The following ABTB2 variants were observed in gnomAD, a reference collection of about 807,000 sequenced individuals.
The protein encoded by ABTB2 is ankyrin repeat and BTB/POZ domain-containing protein 2.
ABTB2 carries 56 observed loss-of-function variants against 104.1 expected under a neutral mutation model. The observed-to-expected ratio is 0.54, with a 90% CI of 0.43 to 0.67. The LOEUF is 0.67. Ranked by LOEUF, ABTB2 falls within the 30% of genes least tolerant of loss-of-function variation. The pLI, the probability that ABTB2 is intolerant of heterozygous loss-of-function variation, is 0.00. For synonymous variants in ABTB2, 606 were observed against 608.2 expected (o/e 1.00, Z 0.05); for missense variants, 1,279 against 1,407.7 (o/e 0.91, Z 1.46).
intron 1 of ABTB2, among the ~76,000 whole-genome samples, chr11:34,255,611 A>C (rs188714926): frequency 1.0e-3 from 156 of 152,184 alleles, no homozygotes; most frequent in Non-Finnish European, 2.0e-3. Context: ...GTTCAACTTC[A>C]ACTTCAAGCA....
chr11:34,153,955 T>C (rs1253941996), intron 16 of ABTB2, among the ~76,000 whole-genome samples: 6 of 152,174 alleles, frequency 3.9e-5, no homozygotes, highest in Non-Finnish European at 8.8e-5. Flanking sequence ...AGTAAATACC[T>C]ATGGCTTTGA....
At chr11:34,158,184 G>A (rs1279956799) in intron 14 of ABTB2, among the ~76,000 whole-genome samples, 1 of 152,208 alleles carries the variant, frequency 6.6e-6, no homozygotes, top group Non-Finnish European at 1.5e-5. Context: ...GGAGGCCAAG[G>A]CGGGTGGATC....
At chr11:34,214,543 TTTTTTTTTTTTTTA>T (rs1853526196) in intron 1 of ABTB2, among the ~76,000 whole-genome samples, 23 of 142,532 alleles carry the variant, frequency 1.6e-4, no homozygotes, top group Admixed American at 1.6e-3. Flanking sequence ...TTTTTTTTTT[TTTTTTTTTTTTTTA>T]AAGTCAGGTT....
intron 1 of ABTB2, among the ~76,000 whole-genome samples, chr11:34,274,560 TACACACACAC>T (rs3830969): frequency 2.1e-5 from 3 of 146,298 alleles, no homozygotes; most frequent in Admixed American, 2.0e-4. Flanking sequence ...GATTGGAATA[TACACACACAC>T]ACACACACAC....
At chr11:34,186,926 T>C (rs1276635256) in intron 3 of ABTB2, among the ~76,000 whole-genome samples, 1 of 152,182 alleles carries the variant, frequency 6.6e-6, no homozygotes, top group Non-Finnish European at 1.5e-5. Flanking sequence ...CTCCGGGGTC[T>C]CACCCTCTCC....
Position 34,309,356 on chromosome 11 carries a change from A to G in ABTB2, c.883+47345T>C, listed in dbSNP as rs78675372. Among the ~76,000 whole-genome samples, 267 of 152,308 alleles carry G rather than the reference A, an allele frequency of 1.8e-3. 3 individuals are homozygous for G. In the East Asian group the frequency reaches 0.034, roughly 19 times the overall value. ...GCAGTCACATCCACTTAGAGTTAATACATCACTAACAATCCCTTATGCCAA... is the reference window on the plus strand; with the variant it reads ...GCAGTCACATCCACTTAGAGTTAATGCATCACTAACAATCCCTTATGCCAA... On this transcript the variant is annotated intron_variant, in intron 1 of 16. Transcript: ENST00000435224.
At position 34,154,346 on chromosome 11, in the gene ABTB2, A is replaced by T. The variant is rs756591429; in HGVS notation, c.2799T>A (p.Asp933Glu). The T allele has an allele frequency of 6.2e-7, 1 of 1,613,784 alleles. No homozygotes were observed. Among genetic ancestry groups the T allele is most frequent in the East Asian group, 2.2e-5 (1 of 44,874 alleles). Residue 933 changes from aspartate (D) to glutamate (E), a missense_variant, in exon 16 of 17, where the codon GAT becomes GAA. By Grantham distance (45) the Asp-to-Glu change is conservative (BLOSUM62 2). Transcript: ENST00000435224. The surrounding 1 kb of genome is among the most constrained non-coding windows in gnomAD (Gnocchi z 4.9). ...LLSAASLFQL[D>E]ALQRHCEILC... Reference sequence around the variant, plus strand: ...GGATCTCGCAGTGCCTCTGCAGGGCATCCAGCTGGAACAGGCTGGCAGCTG... The same window carrying T: ...GGATCTCGCAGTGCCTCTGCAGGGCTTCCAGCTGGAACAGGCTGGCAGCTG...
At chr11:34,237,734 T>C (rs778374362) in intron 1 of ABTB2, among the ~76,000 whole-genome samples, 3 of 151,942 alleles carry the variant, frequency 2.0e-5, no homozygotes, top group Non-Finnish European at 2.9e-5. Context: ...CTACTAAAAA[T>C]ACAAAAATTA....
At chr11:34,300,677 A>G (rs967438283) in intron 1 of ABTB2, among the ~76,000 whole-genome samples, 1 of 151,780 alleles carries the variant, frequency 6.6e-6, no homozygotes, top group African/African-American at 2.4e-5. Flanking sequence ...TACATCTCAT[A>G]GCGTTTTCAT....
chr11:34,154,360 GGCTGGCAGCTGACAGCA>G lies in ABTB2; in HGVS notation c.2768_2784del (p.Leu923ProfsTer44). ...CTCTGCAGGGCATCCAGCTGGAACA[GGCTGGCAGCTGACAGCA>G]GCTGGTAGGGAGGCAGAGCAGGTCT... On this transcript the variant is annotated frameshift_variant and splice_region_variant, in exon 16 of 17. Transcript: ENST00000435224. LOFTEE classifies it high-confidence loss of function. This position sits in a 1 kb window ranked among gnomAD's most constrained non-coding sequence, Gnocchi z 4.9. 1 of 1,613,148 alleles carries G rather than the reference GGCTGGCAGCTGACAGCA, an allele frequency of 6.2e-7. No homozygotes were observed. The highest frequency in any genetic ancestry group is 8.5e-7 in the Non-Finnish European group (1 of 1,179,614).
At chr11:34,270,831 T>C (rs1222019724) in intron 1 of ABTB2, among the ~76,000 whole-genome samples, 1 of 152,226 alleles carries the variant, frequency 6.6e-6, no homozygotes, top group Non-Finnish European at 1.5e-5. Context: ...TAGCATATCG[T>C]CAAGTTTTGG....
intron 1 of ABTB2, among the ~76,000 whole-genome samples, chr11:34,292,780 G>C (rs1473839157): frequency 1.3e-5 from 2 of 152,150 alleles, no homozygotes; most frequent in Non-Finnish European, 2.9e-5. Flanking sequence ...ATGAAGCAGA[G>C]ACTTGCACTA....
intron 13 of ABTB2, 38 bp downstream of exon 13, chr11:34,159,868 G>A (rs759490402): frequency 6.0e-6 from 9 of 1,509,540 alleles, no homozygotes; most frequent in African/African-American, 1.4e-5. Context: ...GTGCTTCTGT[G>A]CCCCTGGGCT....
intron 1 of ABTB2, among the ~76,000 whole-genome samples, chr11:34,251,059 G>C (rs1854049636): frequency 6.6e-6 from 1 of 152,336 alleles, no homozygotes; most frequent in Non-Finnish European, 1.5e-5. Context: ...CCATGGAGTT[G>C]GCAGGTAGAA....
In ABTB2 at chr11:34,162,584, C is replaced by T; in HGVS notation, c.2210G>A (p.Arg737Lys). 1 of 1,613,504 alleles carries T rather than the reference C, an allele frequency of 6.2e-7. No homozygotes were observed. The highest frequency in any genetic ancestry group is 2.2e-5 in the East Asian group (1 of 44,880). Reference protein sequence around the residue: ...HGYVDITMELRALGVPWKLHI... With the variant: ...HGYVDITMELKALGVPWKLHI... ...TGCCCGTGAGGCCTCACCCAGTGCCCTCAGCTCCATGGTGATGTCCACGTA... is the reference window on the plus strand; with the variant it reads ...TGCCCGTGAGGCCTCACCCAGTGCCTTCAGCTCCATGGTGATGTCCACGTA... The change falls in exon 10 of 17, where the codon AGG becomes AAG. Residue 737 changes from arginine to lysine, a missense_variant. By Grantham distance (26) the Arg-to-Lys change is conservative (BLOSUM62 2). Transcript: ENST00000435224.
Position 34,356,991 on chromosome 11 carries a change from G to C in ABTB2, c.593C>G (p.Ser198Cys), listed in dbSNP as rs767519008. The C allele has an allele frequency of 1.3e-6, 2 of 1,585,674 alleles. No individual in the cohort carries two copies. Among genetic ancestry groups the C allele is most frequent in the South Asian group, 1.1e-5 (1 of 87,516 alleles). The change falls in exon 1 of 17, where the codon TCC becomes TGC. Residue 198 changes from serine to cysteine, a missense_variant. Physicochemically the swap from Ser to Cys is moderately radical, Grantham distance 112 (BLOSUM62 -1). Transcript: ENST00000435224. The surrounding 1 kb of genome is among the most constrained non-coding windows in gnomAD (Gnocchi z 4.6). ...SAGDGLRRGK[S>C]ARCGLTFSVG... ...TGAGAAGGTGAGGCCGCAGCGCGCG[G>C]ACTTGCCCCGGCGCAGCCCGTCGCC...
chr11:34,272,302 C>CAAAAAAAAAAAAAAA (rs60997940), intron 1 of ABTB2, among the ~76,000 whole-genome samples: 8 of 80,764 alleles, frequency 9.9e-5, no homozygotes, highest in African/African-American at 2.7e-4. Context: ...CAGGAAGCTG[C>CAAAAAAAAAAAAAAA]AAAAAAAAAA....
chr11:34,344,641 T>G (rs553885859), intron 1 of ABTB2, among the ~76,000 whole-genome samples: 1 of 152,232 alleles, frequency 6.6e-6, no homozygotes, highest in Non-Finnish European at 1.5e-5. Flanking sequence ...GGGCCACAGA[T>G]GTGCACCATT....
At chr11:34,335,590 G>A in intron 1 of ABTB2, 1 of 1,502,094 alleles carries the variant, frequency 6.7e-7, no homozygotes, top group Non-Finnish European at 9.3e-7. Context: ...TCAAAGTTAA[G>A]TTTCTGCACT....
Sources: gnomAD v4.1 joint callset for allele counts (sites outside exome capture counted in the v4.1 genomes callset) on GRCh38, gnomAD v4.1.1 for gene constraint, Gnocchi (gnomAD v3.1) non-coding constraint, MANE v1.5 for transcripts, NCBI Gene and HGNC (gene_info 2026-07-23, HGNC 2026-07-21) for gene names.